Variants in STYK1 observed in about 807,000 individuals in gnomAD.
The protein encoded by STYK1 is tyrosine-protein kinase STYK1.
A neutral mutation model predicts 48.1 loss-of-function variants in STYK1; 46 were observed. The ratio of observed to expected loss-of-function variants is 0.96; its 90% CI spans 0.75 to 1.22. STYK1 has a LOEUF of 1.22. STYK1 is among the 50% of genes most tolerant of loss of function. STYK1 has a pLI of 0.00. For synonymous variants in STYK1, 188 were observed against 189.0 expected (o/e 0.99, Z 0.04); for missense variants, 527 against 521.1 (o/e 1.01, Z -0.11).
intron 7 of STYK1, 110 bp from the exon 8 acceptor site, chr12:10,624,969 T>C: frequency 1.2e-6 from 1 of 863,038 alleles, no homozygotes; most frequent in South Asian, 1.5e-5. Flanking sequence ...TTTTCTACTC[T>C]GAACAAGTCT....
chr12:10,663,874 T>C (rs900169341), intron 1 of STYK1, among the ~76,000 whole-genome samples: 2 of 152,176 alleles, frequency 1.3e-5, no homozygotes, highest in Non-Finnish European at 2.9e-5. Flanking sequence ...ATTTAGGTCT[T>C]CTTTAGCTTC....
chr12:10,634,234 C>A lies in STYK1; in HGVS notation c.53-110G>T, dbSNP rs528661818. ...AGCTCATCATACATGAAAAGGTCAT[C>A]TCTTCTACCATCTCCTCTACTTCCA... On this transcript the variant is annotated intron_variant, in intron 3 of 10. Transcript: ENST00000075503. The A allele has an allele frequency of 1.2e-5, 15 of 1,276,004 alleles. No individual in the cohort carries two copies. The African/African-American group carries it at 1.8e-4, about 15-fold the overall frequency. 79.0% of individuals were successfully genotyped at this position (1,276,004 alleles called of 1,614,324 possible).
chr12:10,634,090 G>T lies in STYK1; in HGVS notation c.87C>A (p.Val29=). 1 of 1,614,106 alleles carries T rather than the reference G, an allele frequency of 6.2e-7. No individual in the cohort carries two copies. The highest frequency in any genetic ancestry group is 8.5e-7 in the Non-Finnish European group (1 of 1,180,018). Residue 29 remains valine (V), a synonymous_variant, in exon 4 of 11, where the codon GTC becomes GTA. Coordinates refer to ENST00000075503, the MANE Select transcript of STYK1 (RefSeq NM_018423.3). ...IQEKQYEVII[V]PTLLVTIFLI... ...GGAAGATAGTAACCAACAAAGTTGG[G>T]ACGATAATCACTTCATACTGCTTCT...
chr12:10,649,231 A>C (rs963681654), intron 1 of STYK1, among the ~76,000 whole-genome samples: 1 of 152,194 alleles, frequency 6.6e-6, no homozygotes, highest in African/African-American at 2.4e-5. Flanking sequence ...AAAATTGCCA[A>C]ATTCAGGGGA....
At position 10,620,441 on chromosome 12, in the gene STYK1, G is replaced by A. The variant is rs1565556677; in HGVS notation, c.1065-93C>T. The stretch of plus-strand genomic sequence containing the variant: ...CTCACAAACTTTAACAAACAACTCT[G>A]CAATTCTTTAATTGTCTTCTGTTTG... On this transcript the variant is annotated intron_variant, in intron 10 of 10. Coordinates refer to ENST00000075503, the MANE Select transcript of STYK1 (RefSeq NM_018423.3). 8 of 1,164,344 alleles carry A rather than the reference G, an allele frequency of 6.9e-6. No individual in the cohort carries two copies. In the East Asian group the frequency reaches 1.9e-4, roughly 27 times the overall value. 72.1% of individuals were successfully genotyped at this position (1,164,344 alleles called of 1,614,324 possible). A position where few individuals can be genotyped will look rare whatever the true frequency, so the allele number is the denominator to read the frequency against.
At position 10,627,621 on chromosome 12, in the gene STYK1, G is replaced by T. The variant is rs774391584; in HGVS notation, c.717+20C>A. The stretch of plus-strand genomic sequence containing the variant: ...ACAAGGAAACGTCACACCATCAGTT[G>T]TCATGTTGCCTCATCTTACCAGCGC... On this transcript the variant is annotated intron_variant, in intron 7 of 10. Transcript: ENST00000075503. 12 of 1,602,476 alleles carry T rather than the reference G, an allele frequency of 7.5e-6. No individual in the cohort carries two copies. The Admixed American group carries it at 1.5e-4, about 21-fold the overall frequency.
chr12:10,630,903 T>G, intron 5 of STYK1, 142 bp downstream of exon 5: 2 of 1,092,284 alleles, frequency 1.8e-6, no homozygotes, highest in Non-Finnish European at 2.6e-6. Flanking sequence ...AGAAAAACAT[T>G]TCTGCCTCAA....
chr12:10,625,099 A>G (rs1418070994), intron 7 of STYK1, among the ~76,000 whole-genome samples: 1 of 152,248 alleles, frequency 6.6e-6, no homozygotes, highest in African/African-American at 2.4e-5. Flanking sequence ...TTTTGAAAAT[A>G]TAATCACCTC....
intron 4 of STYK1, among the ~76,000 whole-genome samples, chr12:10,633,231 A>G (rs1039436681): frequency 6.6e-6 from 1 of 152,186 alleles, no homozygotes; most frequent in African/African-American, 2.4e-5. Context: ...GTCATTGATG[A>G]CCTTGGAAAG....
intron 5 of STYK1, 49 bp from the exon 6 acceptor site, chr12:10,629,723 T>G (rs761301172): frequency 8.1e-6 from 13 of 1,608,998 alleles, no homozygotes; most frequent in African/African-American, 2.7e-5. Flanking sequence ...GCATCCTCGA[T>G]GAGTGGGAGG....
intron 1 of STYK1, among the ~76,000 whole-genome samples, chr12:10,664,374 A>AC (rs1359457176): frequency 2.6e-5 from 4 of 152,132 alleles, no homozygotes; most frequent in African/African-American, 9.7e-5. Flanking sequence ...CTCCCTAGGC[A>AC]CCCAAAATAT....
At chr12:10,637,548 A>T (rs1947500092) in intron 1 of STYK1, among the ~76,000 whole-genome samples, 1 of 152,024 alleles carries the variant, frequency 6.6e-6, no homozygotes, top group African/African-American at 2.4e-5. Flanking sequence ...TCACTGTGTT[A>T]GCCAGGATGG....
intron 1 of STYK1, among the ~76,000 whole-genome samples, chr12:10,644,439 A>T (rs975217838): frequency 1.3e-5 from 2 of 152,226 alleles, no homozygotes; most frequent in African/African-American, 4.8e-5. Flanking sequence ...AGATGTTCCC[A>T]TTGGGAAAAT....
At chr12:10,668,579 G>C (rs11053895) in intron 1 of STYK1, among the ~76,000 whole-genome samples, 20 of 101,114 alleles carry the variant, frequency 2.0e-4, no homozygotes, top group African/African-American at 8.0e-4. Flanking sequence ...ATATTTACTA[G>C]AGATGGGGTT....
intron 1 of STYK1, among the ~76,000 whole-genome samples, chr12:10,652,515 T>G (rs1480252181): frequency 1.3e-5 from 2 of 152,198 alleles, no homozygotes; most frequent in Non-Finnish European, 1.5e-5. Flanking sequence ...CATCCTTCCC[T>G]CTCCTGTCAT....
At chr12:10,625,587 A>C (rs1251547579) in intron 7 of STYK1, among the ~76,000 whole-genome samples, 1 of 152,190 alleles carries the variant, frequency 6.6e-6, no homozygotes, top group Non-Finnish European at 1.5e-5. Context: ...CATAATGAAA[A>C]ATGTATATAC....
Position 10,620,303 on chromosome 12 carries a change from G to A in STYK1, c.1110C>T (p.Arg370=), listed in dbSNP as rs1565556567. 1.9e-6 allele frequency: 3 copies of A among 1,613,796 alleles called. No homozygotes were observed. The highest frequency in any genetic ancestry group is 2.2e-5 in the East Asian group (1 of 44,882). The change falls in exon 11 of 11, where the codon CGC becomes CGT. Residue 370 remains arginine (R), a synonymous_variant. Transcript: ENST00000075503. ...GCAAGCGCAGCTCTCTAGGTGAGGG[G>A]CGGTCAGCCTCACGCCAGCGCCAGC... ...KSCWRWREAD[R]PSPRELRLRL... is the part of the protein sequence containing the mutation.
At chr12:10,625,035 T>C (rs547423783) in intron 7 of STYK1, among the ~76,000 whole-genome samples, 176 bp from the exon 8 acceptor site, 30 of 152,352 alleles carry the variant, frequency 2.0e-4, no homozygotes, top group African/African-American at 5.8e-4. Flanking sequence ...CATTTCTGCA[T>C]TGTGTTTAGG....
At chr12:10,628,488 T>G (rs1430886149) in intron 6 of STYK1, among the ~76,000 whole-genome samples, 1 of 152,186 alleles carries the variant, frequency 6.6e-6, no homozygotes, top group Non-Finnish European at 1.5e-5. Context: ...AAAACAAGTT[T>G]TAGATGAGTG....
Sources: gnomAD v4.1 joint callset for allele counts (sites outside exome capture counted in the v4.1 genomes callset) on GRCh38, gnomAD v4.1.1 for gene constraint, MANE v1.5 for transcripts, NCBI Gene and HGNC (gene_info 2026-07-23, HGNC 2026-07-21) for gene names.